Variants in CCNY observed in about 807,000 individuals in gnomAD.
CCNY encodes cyclin-Y.
CCNY carries 19 observed loss-of-function variants against 42.8 expected under a neutral mutation model. The observed-to-expected ratio is 0.44, with a 90% confidence interval of 0.31 to 0.65. CCNY has a LOEUF of 0.65. Among genes scored for constraint, CCNY ranks in the 30% least tolerant of loss-of-function variants. The pLI is 0.07. For missense variants in CCNY, 370 were observed against 437.3 expected (o/e 0.85, Z 1.37); for synonymous variants, 165 against 162.7 (o/e 1.01, Z -0.11).
chr10:35,524,875 T>C (rs930981815), intron 4 of CCNY, among the ~76,000 whole-genome samples: 7 of 152,336 alleles, frequency 4.6e-5, no homozygotes, highest in Non-Finnish European at 7.3e-5. Context: ...AAACAGATGC[T>C]GGTGGGAAGT....
chr10:35,552,866 C>A (rs1462764387), intron 7 of CCNY, among the ~76,000 whole-genome samples, 153 bp from the exon 8 acceptor site: 1 of 152,172 alleles, frequency 6.6e-6, no homozygotes, highest in Non-Finnish European at 1.5e-5. Flanking sequence ...TCATCAGACT[C>A]ATTGAGTCAT....
chr10:35,365,088 C>G (rs1836781275), intron 1 of CCNY, among the ~76,000 whole-genome samples: 1 of 152,174 alleles, frequency 6.6e-6, no homozygotes, highest in South Asian at 2.1e-4. Flanking sequence ...ATTTCTATAA[C>G]TGGGCTCCAT....
chr10:35,447,966 G>A (rs1838828872), intron 1 of CCNY, among the ~76,000 whole-genome samples: 1 of 152,220 alleles, frequency 6.6e-6, no homozygotes, highest in Admixed American at 6.5e-5. Context: ...GCCGTTCATG[G>A]TGTAGCTCCT....
chr10:35,263,283 G>A (rs1056413264), intron 3 of CCNY, among the ~76,000 whole-genome samples: 7 of 147,286 alleles, frequency 4.8e-5, no homozygotes, highest in South Asian at 2.1e-4. Context: ...TGTGAACCCA[G>A]GAGGTGGAGC....
intron 3 of CCNY, among the ~76,000 whole-genome samples, chr10:35,509,131 T>G (rs1266140731): frequency 6.6e-6 from 1 of 152,234 alleles, no homozygotes; most frequent in African/African-American, 2.4e-5. Context: ...TTTTCCCAAT[T>G]TTTGTTCTGA....
chr10:35,289,324 A>G (rs1230071497), intron 3 of CCNY: 1 of 152,200 alleles, frequency 6.6e-6, no homozygotes, highest in Non-Finnish European at 1.5e-5. Flanking sequence ...TGACCTATAA[A>G]TAAAGACTGT....
chr10:35,519,028 T>C (rs1217155178), intron 4 of CCNY, among the ~76,000 whole-genome samples: 3 of 150,856 alleles, frequency 2.0e-5, no homozygotes, highest in Admixed American at 1.3e-4. Context: ...TTGTAACAGC[T>C]CTTGATTGAA....
chr10:35,248,847 A>C (rs2095709915), intron 2 of CCNY, among the ~76,000 whole-genome samples: 1 of 152,194 alleles, frequency 6.6e-6, no homozygotes, highest in African/African-American at 2.4e-5. Context: ...TCTAAAAAAG[A>C]AAAAGAAAAT....
intron 3 of CCNY, among the ~76,000 whole-genome samples, chr10:35,506,180 A>G (rs1407632456): frequency 1.3e-5 from 2 of 152,242 alleles, no homozygotes; most frequent in Non-Finnish European, 2.9e-5. Flanking sequence ...AGTTTTTAAA[A>G]TATCAGTAAA....
intron 1 of CCNY, among the ~76,000 whole-genome samples, chr10:35,368,103 G>C (rs1485486552): frequency 1.3e-5 from 2 of 152,210 alleles, no homozygotes; most frequent in Non-Finnish European, 2.9e-5. Context: ...GAGTCTTTCT[G>C]CCTGGAGGTT....
chr10:35,554,838 T>C (rs1841331056), intron 8 of CCNY, among the ~76,000 whole-genome samples: 1 of 152,184 alleles, frequency 6.6e-6, no homozygotes, highest in Non-Finnish European at 1.5e-5. Flanking sequence ...AAATTGCAGA[T>C]ACCACAGAAG....
At chr10:35,290,452 T>C (rs1233124479) in intron 3 of CCNY, among the ~76,000 whole-genome samples, 1 of 152,074 alleles carries the variant, frequency 6.6e-6, no homozygotes, top group African/African-American at 2.4e-5. Flanking sequence ...TTAAATTTTG[T>C]TTTTGTGCAT....
chr10:35,252,029 T>C (rs1486978272), intron 3 of CCNY, among the ~76,000 whole-genome samples: 2 of 152,174 alleles, frequency 1.3e-5, no homozygotes, highest in Non-Finnish European at 2.9e-5. Context: ...ATTAAGGTAT[T>C]ATATAGGTAC....
At chr10:35,381,565 CAAA>C (rs57561593) in intron 1 of CCNY, among the ~76,000 whole-genome samples, 6 of 69,688 alleles carry the variant, frequency 8.6e-5, no homozygotes, top group African/African-American at 1.5e-4. Flanking sequence ...GACTCCGTCT[CAAA>C]AAAAAAAAAA....
chr10:35,542,485 C>T (rs1224362909), intron 7 of CCNY, among the ~76,000 whole-genome samples: 4 of 150,070 alleles, frequency 2.7e-5, no homozygotes, highest in African/African-American at 7.6e-5. Context: ...AATGAGGTCA[C>T]TCTGTGCAAA....
At chr10:35,388,056 A>C (rs1837334778) in intron 1 of CCNY, among the ~76,000 whole-genome samples, 1 of 152,170 alleles carries the variant, frequency 6.6e-6, no homozygotes, top group Non-Finnish European at 1.5e-5. Flanking sequence ...TTCCTTTAGC[A>C]TTTCAGAATG....
intron 1 of CCNY, among the ~76,000 whole-genome samples, chr10:35,430,028 T>G (rs1255980047): frequency 2.0e-5 from 3 of 152,020 alleles, no homozygotes; most frequent in Non-Finnish European, 4.4e-5. Context: ...TATCTCAGTT[T>G]CATCATTACA....
intron 1 of CCNY, among the ~76,000 whole-genome samples, chr10:35,452,526 G>A (rs1287917824): frequency 2.6e-5 from 4 of 152,084 alleles, no homozygotes; most frequent in African/African-American, 4.8e-5. Context: ...ACCTTTACTC[G>A]TGTAATTTTT....
At chr10:35,356,047 G>A (rs1202368859) in intron 1 of CCNY, among the ~76,000 whole-genome samples, 1 of 152,114 alleles carries the variant, frequency 6.6e-6, no homozygotes, top group Admixed American at 6.5e-5. Context: ...TGCAGAAAAG[G>A]TTTTTATTTT....
Sources: allele counts gnomAD v4.1 joint callset (sites outside exome capture counted in the v4.1 genomes callset), GRCh38; gene constraint gnomAD v4.1.1; transcripts MANE v1.5; gene names NCBI Gene and HGNC (gene_info 2026-07-23, HGNC 2026-07-21).